FHAD1: variants seen among roughly 807,000 people sequenced by gnomAD.
FHAD1 encodes the protein forkhead-associated domain-containing protein 1.
In FHAD1, 146 loss-of-function variants were observed where a neutral mutation model predicts 191.3. That is an observed-to-expected ratio of 0.76 (90% CI 0.67 to 0.88). The LOEUF (loss-of-function observed/expected upper bound fraction) is 0.88, where lower values mean the gene tolerates loss of function less well. Among genes scored for constraint, FHAD1 ranks in the 40% least tolerant of loss-of-function variants. The pLI is 0.00. For missense variants in FHAD1, 1,635 were observed against 1,785.8 expected, an observed-to-expected ratio of 0.92 and a Z score of 1.52; for synonymous variants, 616 against 672.3, an observed-to-expected ratio of 0.92 and a Z score of 1.29.
Position 15,365,858 on chromosome 1 carries a change from C to T in FHAD1, c.3079C>T (p.Leu1027=), listed in dbSNP as rs765812225. 34 of 1,551,412 alleles carry T rather than the reference C, an allele frequency of 2.2e-5. No homozygotes were observed. The highest frequency in any genetic ancestry group is 3.0e-5 in the Non-Finnish European group (34 of 1,146,892). Residue 1027 remains leucine (L), a synonymous_variant, in exon 24 of 34, where the codon CTG becomes TTG. Transcript: ENST00000688493. ...DDLLAAQKEI[L]SQQEVIMKLR... ...CTTATTGGCTGCTCAGAAGGAAATT[C>T]TGTCTCAGCAGGAAGTCATCATGAA...
rs41269441 is a variant in FHAD1 at position 15,358,364 on chromosome 1, C to T, written c.2736+81C>T. The T allele has an allele frequency of 4.2e-3, 5,764 of 1,387,854 alleles. 21 individuals are homozygous for T. Among genetic ancestry groups the T allele is most frequent in the South Asian group, 4.6e-3 (333 of 72,962 alleles). The allele number at this position is 1,387,854 out of a possible 1,614,324, so 86.0% of individuals were successfully genotyped here. ...TGCCACGAGAATGTGTGGTTTAGAC[C>T]GGGGCTTCTCAGCCTCAGCACTGCT... On this transcript the variant is annotated intron_variant, in intron 21 of 33. Transcript: ENST00000688493.
chr1:15,248,083 A>G (rs1421027012), intron 1 of FHAD1, among the ~76,000 whole-genome samples: 1 of 151,394 alleles, frequency 6.6e-6, no homozygotes, highest in East Asian at 1.9e-4. Flanking sequence ...GTCATCTAGG[A>G]TAAATACTGA....
chr1:15,333,101 G>A (rs988323891), intron 14 of FHAD1, among the ~76,000 whole-genome samples: 10 of 152,176 alleles, frequency 6.6e-5, no homozygotes, highest in African/African-American at 2.4e-4. Flanking sequence ...AAAGAATAGA[G>A]AATAACAGAA....
chr1:15,320,915 A>T (rs993692937), intron 10 of FHAD1, among the ~76,000 whole-genome samples: 2 of 151,644 alleles, frequency 1.3e-5, no homozygotes, highest in Admixed American at 6.6e-5. Context: ...CCTTCTTTTG[A>T]GTTGATGGGT....
At chr1:15,365,733 A>T in intron 23 of FHAD1, 94 bp from the exon 24 acceptor site, 1 of 734,260 alleles carries the variant, frequency 1.4e-6, no homozygotes, top group Non-Finnish European at 2.4e-6. Context: ...CGTGATTGAG[A>T]ATCTCTTTGC....
chr1:15,299,485 T>G (rs1438479780), intron 5 of FHAD1, among the ~76,000 whole-genome samples: 1 of 152,176 alleles, frequency 6.6e-6, no homozygotes. Flanking sequence ...CTTCCTCTTT[T>G]AAGTAATACA....
At chr1:15,262,025 A>G (rs1651320610) in intron 2 of FHAD1, among the ~76,000 whole-genome samples, 2 of 152,152 alleles carry the variant, frequency 1.3e-5, no homozygotes, top group Non-Finnish European at 2.9e-5. Context: ...ACACACGCAC[A>G]CACACACACA....
chr1:15,328,628 C>G, intron 13 of FHAD1, 199 bp downstream of exon 13: 2 of 441,770 alleles, frequency 4.5e-6, no homozygotes, highest in South Asian at 6.7e-5. Context: ...GAGAACTTGG[C>G]GTGTCCAAAA....
At chr1:15,300,100 T>C (rs1263375834) in intron 5 of FHAD1, among the ~76,000 whole-genome samples, 1 of 152,086 alleles carries the variant, frequency 6.6e-6, no homozygotes. Context: ...TGTAGCTGCC[T>C]ATGAATCACA....
In FHAD1 at chr1:15,362,691, G is replaced by T. The variant is rs1180009691; in HGVS notation, c.3012G>T (p.Glu1004Asp). ...PQDPLVAPMT[E>D]SSAKDMAYEH... ...ACCCTCTGGTGGCTCCCATGACAGA[G>T]AGCAGTGCCAAAGACATGGCGTACG... The change falls in exon 23 of 34, where the codon GAG (glutamate) becomes GAT (aspartate). Residue 1004 changes from glutamate to aspartate, a missense_variant. Glu to Asp is a conservative substitution (Grantham distance 45). Coordinates refer to ENST00000688493, the MANE Select transcript of FHAD1 (RefSeq NM_001391957.1). 1 of 1,551,680 alleles carries T rather than the reference G, an allele frequency of 6.4e-7. No individual in the cohort carries two copies. The highest frequency in any genetic ancestry group is 1.4e-5 in the African/African-American group (1 of 73,068).
chr1:15,369,116 G>A (rs979937834), intron 25 of FHAD1, among the ~76,000 whole-genome samples: 2 of 152,182 alleles, frequency 1.3e-5, no homozygotes, highest in Non-Finnish European at 2.9e-5. Context: ...CAGACATGCA[G>A]TGAATGTCCC....
At chr1:15,388,567 A>C (rs1702926164) in intron 32 of FHAD1, 1 of 227,976 alleles carries the variant, frequency 4.4e-6, no homozygotes, top group Non-Finnish European at 8.5e-6. Context: ...CCCTGTCCTA[A>C]GAATGAAATG....
Position 15,329,878 on chromosome 1 carries a change from G to C in FHAD1, c.1906+337G>C. On this transcript the variant is annotated intron_variant, in intron 14 of 33. Coordinates refer to ENST00000688493, the MANE Select transcript of FHAD1 (RefSeq NM_001391957.1). The surrounding 1 kb of genome is among the most constrained non-coding windows in gnomAD (Gnocchi z 5.0). ...TGATTCCAGGCAAGTGACTTACCCT[G>C]TCTATGCCTCAGTTTCCCTATCTGT... 1 of 288,912 alleles carries C rather than the reference G, an allele frequency of 3.5e-6. No homozygotes were observed. The highest frequency in any genetic ancestry group is 6.7e-6 in the Non-Finnish European group (1 of 148,598). The allele number at this position is 288,912 out of a possible 1,614,324, so 17.9% of individuals were successfully genotyped here. A position where few individuals can be genotyped will look rare whatever the true frequency, so the allele number is the denominator to read the frequency against.
intron 2 of FHAD1, among the ~76,000 whole-genome samples, chr1:15,260,888 A>G (rs1557940187): frequency 6.6e-6 from 1 of 152,196 alleles, no homozygotes; most frequent in Non-Finnish European, 1.5e-5. Flanking sequence ...TCCCTTTGCC[A>G]TGTAAGGCAG....
In FHAD1 at chr1:15,372,466, G is replaced by A. The variant is rs145599926; in HGVS notation, c.3448-2036G>A. 2.7e-3 allele frequency among the ~76,000 whole-genome samples: 409 copies of A among 152,280 alleles called. 1 individual carries two copies. Among genetic ancestry groups the A allele is most frequent in the African/African-American group, 9.6e-3 (397 of 41,542 alleles). On this transcript the variant is annotated intron_variant, in intron 26 of 33. Transcript: ENST00000688493. ...GCACTTATCATTCTCCAGAATCAGA[G>A]TATTTGTGCGCCTGTCTGTCTGTTA...
intron 3 of FHAD1, among the ~76,000 whole-genome samples, chr1:15,285,517 G>A (rs1662130104): frequency 6.6e-6 from 1 of 152,020 alleles, no homozygotes; most frequent in African/African-American, 2.4e-5. Context: ...TGGGTGACAA[G>A]AGCAAAATTC....
rs188609247 is a variant in FHAD1, at chr1:15,294,337, T to C, written c.569-2347T>C. Among the ~76,000 whole-genome samples the C allele has an allele frequency of 4.4e-4, 67 of 152,256 alleles. No homozygotes were observed. In the East Asian group the frequency reaches 7.0e-3, roughly 16 times the overall value. ...AGGACTTACTTATTCTAGGTCAGGG[T>C]TTCTCAATCTCGGCACTGCTGACAT... On this transcript the variant is annotated intron_variant, in intron 4 of 33. Coordinates refer to ENST00000688493, the MANE Select transcript of FHAD1 (RefSeq NM_001391957.1).
chr1:15,374,856 T>TG (rs1405938632), intron 27 of FHAD1, among the ~76,000 whole-genome samples: 5 of 126,492 alleles, frequency 4.0e-5, no homozygotes, highest in South Asian at 2.8e-4. Flanking sequence ...ACGTTTTTTT[T>TG]TTTGTTTGTT....
At position 15,308,800 on chromosome 1, in the gene FHAD1, G is replaced by A. The variant is rs41269435; in HGVS notation, c.1039+64G>A. The A allele has an allele frequency of 9.3e-3, 14,390 of 1,546,310 alleles. 81 individuals carry two copies. Among genetic ancestry groups the A allele is most frequent in the Non-Finnish European group, 0.011 (12,654 of 1,144,222 alleles). On this transcript the variant is annotated intron_variant, in intron 7 of 33. Transcript: ENST00000688493. ...GCACCCGTTGTTCTTGGCCACAGCA[G>A]ACATCACCAATCAACCACATACTTT... is the stretch of plus-strand genomic sequence containing the variant.
Sources: allele counts gnomAD v4.1 joint callset (sites outside exome capture counted in the v4.1 genomes callset), GRCh38; gene constraint gnomAD v4.1.1; non-coding constraint Gnocchi (gnomAD v3.1); transcripts MANE v1.5; gene names NCBI Gene and HGNC (gene_info 2026-07-23, HGNC 2026-07-21).